The following SETDB2 variants were observed in gnomAD, a reference collection of about 807,000 sequenced individuals.
SETDB2 encodes histone-lysine N-methyltransferase SETDB2.
Under a neutral mutation model 82.5 loss-of-function variants are expected in SETDB2, and 56 were observed. The ratio of observed to expected loss-of-function variants is 0.68; its 90% CI spans 0.55 to 0.85. The LOEUF (loss-of-function observed/expected upper bound fraction) is 0.85. Among genes scored for constraint, SETDB2 ranks in the 40% least tolerant of loss-of-function variants. The pLI, the probability that SETDB2 is intolerant of heterozygous loss-of-function variation, is 0.00. For synonymous variants in SETDB2, 272 were observed against 284.9 expected, an observed-to-expected ratio of 0.95 and a Z score of 0.46; for missense variants, 677 against 816.4, an observed-to-expected ratio of 0.83 and a Z score of 2.08.
chr13:49,453,290 G>T, intron 2 of SETDB2, among the ~76,000 whole-genome samples: 1 of 150,760 alleles, frequency 6.6e-6, no homozygotes, highest in African/African-American at 2.4e-5. Context: ...TCTTTCAGTT[G>T]GCTCTTTTTT....
At position 49,468,153 on chromosome 13, in the gene SETDB2, TAATC is replaced by T. The variant is rs1958154024; in HGVS notation, c.305+196_305+199del. Among the ~76,000 whole-genome samples the T allele has an allele frequency of 2.6e-5, 4 of 152,220 alleles. No individual in the cohort carries two copies. In the South Asian group the frequency reaches 8.3e-4, roughly 31 times the overall value. On this transcript the variant is annotated intron_variant, in intron 5 of 13. Coordinates refer to ENST00000611815, the MANE Select transcript of SETDB2 (RefSeq NM_001160308.3). ...GAATAGGTTATTGAATATTCCTAGT[TAATC>T]AAGTCTTTTTATAAAGTTTAGCTTA...
Position 49,482,963 on chromosome 13 carries a change from G to A in SETDB2, c.1382+1G>A. Reference sequence around the variant, plus strand: ...GTAATAATCCCAAGGAGCTTACTGTGTAAGTAACAGCTGAGGAACCCAGAG... The same window carrying A: ...GTAATAATCCCAAGGAGCTTACTGTATAAGTAACAGCTGAGGAACCCAGAG... On this transcript the variant is annotated splice_donor_variant, in intron 9 of 13. Coordinates refer to ENST00000611815, the MANE Select transcript of SETDB2 (RefSeq NM_001160308.3). LOFTEE classifies it high-confidence loss of function. 6.4e-7 allele frequency: 1 copy of A among 1,564,370 alleles called. No individual in the cohort carries two copies. Among genetic ancestry groups the A allele is most frequent in the Non-Finnish European group, 8.8e-7 (1 of 1,141,494 alleles).
intron 6 of SETDB2, among the ~76,000 whole-genome samples, chr13:49,479,035 A>G (rs1958426025): frequency 6.6e-6 from 1 of 152,242 alleles, no homozygotes; most frequent in African/African-American, 2.4e-5. Flanking sequence ...TCTCAAAAAC[A>G]TTATATTGAA....
chr13:49,488,281 G>A lies in SETDB2; in HGVS notation c.1577-9G>A, dbSNP rs1453197677. ...ATTTCCTGATGTTTCCTTCCAAAAT[G>A]TCTATTAGAGGACTCAAGTTCAAAC... On this transcript the variant is annotated splice_polypyrimidine_tract_variant and intron_variant, in intron 11 of 13. Transcript: ENST00000611815. 1 of 1,561,078 alleles carries A rather than the reference G, an allele frequency of 6.4e-7. No homozygotes were observed. Among genetic ancestry groups the A allele is most frequent in the African/African-American group, 1.4e-5 (1 of 72,256 alleles).
At chr13:49,487,744 T>G (rs1958625097) in intron 11 of SETDB2, among the ~76,000 whole-genome samples, 1 of 152,214 alleles carries the variant, frequency 6.6e-6, no homozygotes. Flanking sequence ...TTTACAAAGG[T>G]GTAATTATTG....
At chr13:49,446,125 A>G (rs1555269264) in intron 1 of SETDB2, among the ~76,000 whole-genome samples, 1 of 152,072 alleles carries the variant, frequency 6.6e-6, no homozygotes, top group Non-Finnish European at 1.5e-5. Flanking sequence ...ACCTTTCTGG[A>G]AGAGAGTTTG....
intron 2 of SETDB2, among the ~76,000 whole-genome samples, chr13:49,452,890 A>G (rs1277035644): frequency 6.6e-6 from 1 of 152,196 alleles, no homozygotes; most frequent in African/African-American, 2.4e-5. Context: ...TGCTGTCAGC[A>G]TGATTTCTCA....
chr13:49,487,505 C>CT (rs202126308), intron 11 of SETDB2, among the ~76,000 whole-genome samples: 45 of 152,122 alleles, frequency 3.0e-4, no homozygotes, highest in East Asian at 7.7e-4. Flanking sequence ...TGGCTAATTT[C>CT]TTTTTTTTAA....
At chr13:49,464,842 A>G (rs1488374071) in intron 4 of SETDB2, among the ~76,000 whole-genome samples, 2 of 152,040 alleles carry the variant, frequency 1.3e-5, no homozygotes, top group Non-Finnish European at 2.9e-5. Context: ...TGGGAGGATC[A>G]CCTGAGCCCA....
At chr13:49,485,849 C>A in intron 11 of SETDB2, 126 bp downstream of exon 11, 1 of 930,400 alleles carries the variant, frequency 1.1e-6, no homozygotes, top group Non-Finnish European at 1.8e-6. Context: ...AAGGTTACAA[C>A]TTGTCTACAT....
chr13:49,474,034 G>A (rs1398792481), intron 5 of SETDB2, among the ~76,000 whole-genome samples: 1 of 152,206 alleles, frequency 6.6e-6, no homozygotes, highest in Non-Finnish European at 1.5e-5. Context: ...GGCCGAGGTG[G>A]GTGGATCACT....
chr13:49,456,106 T>G (rs1364252245), intron 2 of SETDB2, among the ~76,000 whole-genome samples: 1 of 152,162 alleles, frequency 6.6e-6, no homozygotes, highest in East Asian at 1.9e-4. Flanking sequence ...TCCTTGTGTA[T>G]TCTCTGAAAT....
Position 49,483,458 on chromosome 13 carries a change from T to C in SETDB2, c.1383-6T>C. On this transcript the variant is annotated splice_polypyrimidine_tract_variant and splice_region_variant and intron_variant, in intron 9 of 13. Coordinates refer to ENST00000611815, the MANE Select transcript of SETDB2 (RefSeq NM_001160308.3). ...TGATACAGAATAACTTTTTTTTCCT[T>C]TTTAGGGAAACGAAATATGATAATA... 7.9e-7 allele frequency: 1 copy of C among 1,268,224 alleles called. No homozygotes were observed. The highest frequency in any genetic ancestry group is 1.5e-5 in the South Asian group (1 of 68,256). The allele number at this position is 1,268,224 out of a possible 1,614,324, so 78.6% of individuals were successfully genotyped here. A position where few individuals can be genotyped will look rare whatever the true frequency, so the allele number is the denominator to read the frequency against.
chr13:49,474,334 A>T (rs1039474057), intron 5 of SETDB2, among the ~76,000 whole-genome samples: 1 of 152,242 alleles, frequency 6.6e-6, no homozygotes, highest in Non-Finnish European at 1.5e-5. Flanking sequence ...ATCCAAAAGC[A>T]TCAAGATCCA....
chr13:49,474,353 A>G (rs1490452027), intron 5 of SETDB2, among the ~76,000 whole-genome samples: 1 of 152,232 alleles, frequency 6.6e-6, no homozygotes, highest in African/African-American at 2.4e-5. Flanking sequence ...CACCTGATTG[A>G]TGAAACTCTG....
At chr13:49,462,764 T>C (rs1958022102) in intron 4 of SETDB2, among the ~76,000 whole-genome samples, 1 of 152,212 alleles carries the variant, frequency 6.6e-6, no homozygotes, top group Admixed American at 6.5e-5. Flanking sequence ...AAATATAGTC[T>C]AGCATCACCA....
At chr13:49,457,268 A>G (rs575328244) in intron 2 of SETDB2, among the ~76,000 whole-genome samples, 1 of 146,606 alleles carries the variant, frequency 6.8e-6, no homozygotes, top group African/African-American at 2.6e-5. Context: ...ATCGGTTCCA[A>G]GATTGAGCAT....
At position 49,481,065 on chromosome 13, in the gene SETDB2, G is replaced by A. The variant is rs1231510276; in HGVS notation, c.1105G>A (p.Val369Ile). The A allele has an allele frequency of 4.3e-6, 7 of 1,614,000 alleles. No individual in the cohort carries two copies. The highest frequency in any genetic ancestry group is 2.2e-5 in the East Asian group (1 of 44,896). The part of the protein sequence containing the change: ...VFKTEQKGWG[V>I]RCLDDIDRGT... ...CAAAACTGAGCAGAAGGGATGGGGTGTACGCTGTCTAGATGACATTGACAG... is the reference window on the plus strand; with the variant it reads ...CAAAACTGAGCAGAAGGGATGGGGTATACGCTGTCTAGATGACATTGACAG... The change falls in exon 8 of 14, where the codon GTA becomes ATA. Residue 369 changes from valine to isoleucine, a missense_variant. Physicochemically the swap from Val to Ile is conservative, Grantham distance 29. Around this residue, in one of 3 missense-constraint regions of SETDB2, gnomAD observed 420 missense variants for 554.6 expected, o/e 0.76. Coordinates refer to ENST00000611815, the MANE Select transcript of SETDB2 (RefSeq NM_001160308.3).
intron 6 of SETDB2, among the ~76,000 whole-genome samples, chr13:49,479,268 C>T (rs1436176254): frequency 6.6e-6 from 1 of 151,930 alleles, no homozygotes; most frequent in Non-Finnish European, 1.5e-5. Flanking sequence ...ATTATATATA[C>T]AGGGAAGAGA....
Sources: allele counts gnomAD v4.1 joint callset (sites outside exome capture counted in the v4.1 genomes callset), GRCh38; gene constraint gnomAD v4.1.1; regional missense constraint gnomAD v4.1.1; transcripts MANE v1.5; gene names NCBI Gene and HGNC (gene_info 2026-07-23, HGNC 2026-07-21).